The following RTL9 variants were observed in gnomAD, a reference collection of about 807,000 sequenced individuals.
The protein encoded by RTL9 is retrotransposon Gag-like protein 9.
A neutral mutation model predicts 44.7 loss-of-function variants in RTL9; 19 were observed. The observed-to-expected ratio is 0.42, with a 90% CI of 0.30 to 0.62. The LOEUF is 0.62. RTL9 is among the 20% of genes least tolerant of loss of function. RTL9 has a pLI of 0.16. For synonymous variants in RTL9, 407 were observed against 398.9 expected, an observed-to-expected ratio of 1.02 and a Z score of -0.24; for missense variants, 1,105 against 1,080.6, an observed-to-expected ratio of 1.02 and a Z score of -0.32.
intron 1 of RTL9, among the ~76,000 whole-genome samples, chrX:110,387,884 C>T (rs1443253460): frequency 1.9e-4 from 15 of 78,612 alleles, no homozygotes; most frequent in Admixed American, 8.6e-4. Context: ...TTTTTTGAGA[C>T]GGTGTCTCAC....
At chrX:110,441,625 C>T (rs1288509762) in intron 1 of RTL9, among the ~76,000 whole-genome samples, 4 of 111,807 alleles carry the variant, frequency 3.6e-5, no homozygotes, top group Non-Finnish European at 7.5e-5. Flanking sequence ...TATATCACAC[C>T]TTAATGAGAT....
At chrX:110,439,565 G>T (rs1324567050) in intron 1 of RTL9, among the ~76,000 whole-genome samples, 1 of 111,800 alleles carries the variant, frequency 8.9e-6, no homozygotes, top group Non-Finnish European at 1.9e-5. Flanking sequence ...AAATGCCAAG[G>T]GTGCACTTCT....
At position 110,420,766 on chromosome X, in the gene RTL9, G is replaced by C. The variant is rs759203975; in HGVS notation, c.-168+1631G>C. Among the ~76,000 whole-genome samples, 6 of 111,599 alleles carry C rather than the reference G, an allele frequency of 5.4e-5. No individual in the cohort carries two copies. The Admixed American group carries it at 5.7e-4, about 11-fold the overall frequency. ...CACCACATTTTCCCAACTGGCCTCC[G>C]TCGTGAGAACAAGTGGGAACTTTCA... On this transcript the variant is annotated intron_variant, in intron 1 of 3. Transcript: ENST00000465301.
At chrX:110,450,640 T>C (rs1237116563) in exon 1 of RTL9, 10 of 1,210,965 alleles carry the variant, frequency 8.3e-6, no homozygotes, top group Non-Finnish European at 1.1e-5. Flanking sequence ...TTACATTCAC[T>C]GCGATTCAAC....
At chrX:110,447,010 A>T (rs2068911509), upstream of RTL9, among the ~76,000 whole-genome samples, 1 of 109,649 alleles carries the variant, frequency 9.1e-6, no homozygotes, top group Non-Finnish European at 1.9e-5. Context: ...CACTTAGCAC[A>T]GGGCCTGGCA....
In RTL9 at chrX:110,453,226, T is replaced by C. The variant is rs767809212; in HGVS notation, c.2609T>C (p.Val870Ala). Residue 870 changes from valine to alanine, a missense_variant, in exon 1 of 2, where the codon GTG becomes GCG. Val to Ala is a moderately conservative substitution (Grantham distance 64). Transcript: ENST00000540313. ...CTGATGAGAGCCCCAGACTCTAGAG[T>C]GACATCCACATCACAAATGATGCCC... The C allele has an allele frequency of 4.6e-5, 55 of 1,205,616 alleles. No individual in the cohort carries two copies. The highest frequency in any genetic ancestry group is 2.3e-4 in the Middle Eastern group (1 of 4,339).
intron 1 of RTL9, among the ~76,000 whole-genome samples, chrX:110,437,906 A>C (rs1019336596): frequency 9.0e-6 from 1 of 111,523 alleles, no homozygotes; most frequent in African/African-American, 3.3e-5. Flanking sequence ...GTACCTTTGC[A>C]GGGAGTTCCC....
chrX:110,441,168 C>T (rs1247673118), intron 1 of RTL9, among the ~76,000 whole-genome samples: 1 of 112,220 alleles, frequency 8.9e-6, no homozygotes, highest in Non-Finnish European at 1.9e-5. Flanking sequence ...CTCTGGACCT[C>T]AGTTTCCTCT....
chrX:110,414,255 A>AACTC (rs1026775625), upstream of RTL9, among the ~76,000 whole-genome samples: 1 of 112,322 alleles, frequency 8.9e-6, no homozygotes, highest in African/African-American at 3.2e-5. Flanking sequence ...CGGGGCCCTC[A>AACTC]ACTCAGCTAA....
chrX:110,445,929 G>A (rs1384180946), upstream of RTL9, among the ~76,000 whole-genome samples: 1 of 111,498 alleles, frequency 9.0e-6, no homozygotes, highest in Non-Finnish European at 1.9e-5. Context: ...TTAATAGAAC[G>A]GAAGTCTATG....
At chrX:110,397,233 C>G (rs1202534737) in intron 1 of RTL9, among the ~76,000 whole-genome samples, 1 of 111,476 alleles carries the variant, frequency 9.0e-6, no homozygotes, top group East Asian at 2.8e-4. Flanking sequence ...ACCTCTTCCA[C>G]TCCCCTGATA....
At chrX:110,416,095 G>A (rs1045802220), upstream of RTL9, among the ~76,000 whole-genome samples, 2 of 110,913 alleles carry the variant, frequency 1.8e-5, no homozygotes, top group Non-Finnish European at 3.8e-5. Flanking sequence ...GCAAGGCACT[G>A]TGTTCTGGAC....
intron 1 of RTL9, among the ~76,000 whole-genome samples, chrX:110,429,243 C>CT (rs377376446): frequency 0.021 from 2,269 of 106,285 alleles, 48 homozygotes; most frequent in African/African-American, 0.071. Flanking sequence ...TTTTGTTCAT[C>CT]TTTTTTTTTT....
exon 1 of RTL9, chrX:110,452,600 A>G (rs1252088861): frequency 8.3e-7 from 1 of 1,211,718 alleles, no homozygotes; most frequent in South Asian, 1.8e-5. Flanking sequence ...TGACAGACAC[A>G]GCCTCTGGAG....
chrX:110,451,858 C>A (rs138209810), exon 1 of RTL9: 1 of 1,210,958 alleles, frequency 8.3e-7, no homozygotes. Context: ...ATGTCCACAC[C>A]GCTAATGGGA....
At chrX:110,419,942 A>G (rs2068705131) in intron 1 of RTL9, among the ~76,000 whole-genome samples, 1 of 112,333 alleles carries the variant, frequency 8.9e-6, no homozygotes, top group African/African-American at 3.2e-5. Context: ...TCATAACCCA[A>G]TGACGTCAAC....
chrX:110,454,736 G>A (rs2068970551), intron 1 of RTL9, 72 bp downstream of exon 3: 1 of 920,234 alleles, frequency 1.1e-6, no homozygotes, highest in Non-Finnish European at 1.5e-6. Flanking sequence ...AATACATCCT[G>A]CTTCCTTGAG....
At chrX:110,452,237 A>G (rs759267458) in exon 1 of RTL9, 5 of 1,210,519 alleles carry the variant, frequency 4.1e-6, no homozygotes, top group South Asian at 3.5e-5. Context: ...CCATGCTGCA[A>G]ATGAGAGCCC....
At chrX:110,400,106 C>T (rs2068554139) in intron 1 of RTL9, among the ~76,000 whole-genome samples, 1 of 109,623 alleles carries the variant, frequency 9.1e-6, no homozygotes, top group Non-Finnish European at 1.9e-5. Flanking sequence ...CCCTGACATT[C>T]TACTGAATAG....
Sources: gnomAD v4.1 joint callset for allele counts (sites outside exome capture counted in the v4.1 genomes callset) on GRCh38, gnomAD v4.1.1 for gene constraint, MANE v1.5 for transcripts, NCBI Gene and HGNC (gene_info 2026-07-23, HGNC 2026-07-21) for gene names.